Variants in PHF14 observed in about 807,000 individuals in gnomAD.
PHF14 encodes PHD finger protein 14.
A neutral mutation model predicts 117.9 loss-of-function variants in PHF14; 55 were observed. The observed-to-expected ratio is 0.47, with a 90% CI of 0.38 to 0.58. PHF14 has a LOEUF of 0.58. Among genes scored for constraint, PHF14 ranks in the 20% least tolerant of loss-of-function variants. PHF14 has a pLI of 0.00. For missense variants in PHF14, 978 were observed against 1,122.2 expected, an observed-to-expected ratio of 0.87 and a Z score of 1.84; for synonymous variants, 409 against 368.6, an observed-to-expected ratio of 1.11 and a Z score of -1.26.
chr7:11,137,419 A>G (rs985545115), intron 17 of PHF14, among the ~76,000 whole-genome samples: 1 of 152,108 alleles, frequency 6.6e-6, no homozygotes, highest in Non-Finnish European at 1.5e-5. Context: ...TAAAAAGTTA[A>G]AGTTCACCAA....
intron 17 of PHF14, among the ~76,000 whole-genome samples, chr7:11,119,441 TATTA>T (rs1232298483): frequency 5.3e-5 from 8 of 151,836 alleles, no homozygotes; most frequent in South Asian, 2.1e-4. Context: ...GTGTGGAATA[TATTA>T]ATTATGTAAA....
intron 17 of PHF14, among the ~76,000 whole-genome samples, chr7:11,168,058 T>C (rs1185470964): frequency 6.6e-6 from 1 of 152,052 alleles, no homozygotes; most frequent in East Asian, 1.9e-4. Flanking sequence ...TAGGAACTTT[T>C]TTCTAAAAGT....
chr7:11,108,473 A>G (rs893829852), intron 16 of PHF14: 1 of 151,676 alleles, frequency 6.6e-6, no homozygotes, highest in Non-Finnish European at 1.5e-5. Flanking sequence ...GAACTTGCCT[A>G]TCACCCCTAA....
At chr7:11,076,525 A>G (rs1405349463) in intron 16 of PHF14, among the ~76,000 whole-genome samples, 2 of 148,448 alleles carry the variant, frequency 1.3e-5, no homozygotes, top group South Asian at 2.1e-4. Flanking sequence ...TGGGAACTGA[A>G]TCTTCTTTAG....
Position 10,974,196 on chromosome 7 carries a change from C to G in PHF14, c.-128C>G. 1 of 814,536 alleles carries G rather than the reference C, an allele frequency of 1.2e-6. No individual in the cohort carries two copies. Among genetic ancestry groups the G allele is most frequent in the Non-Finnish European group, 2.0e-6 (1 of 492,742 alleles). 50.5% of individuals were successfully genotyped at this position (814,536 alleles called of 1,614,324 possible). On this transcript the variant is annotated 5_prime_UTR_variant, in exon 1 of 18. Transcript: ENST00000634607. ...CTTGGGAGCGCCCCTGTCCGGCTGGCTGCGCGCCGGTTTTAAATAGCATCT... is the reference window on the plus strand; with the variant it reads ...CTTGGGAGCGCCCCTGTCCGGCTGGGTGCGCGCCGGTTTTAAATAGCATCT...
chr7:11,021,702 T>A (rs1034464695), intron 5 of PHF14, among the ~76,000 whole-genome samples: 2 of 152,260 alleles, frequency 1.3e-5, no homozygotes, highest in Admixed American at 6.5e-5. Flanking sequence ...AAGATGTGTA[T>A]CTTTATATTG....
At chr7:11,143,485 C>A (rs1788457011) in intron 17 of PHF14, among the ~76,000 whole-genome samples, 1 of 151,838 alleles carries the variant, frequency 6.6e-6, no homozygotes, top group Non-Finnish European at 1.5e-5. Context: ...CAGATCACTT[C>A]AAGAAATAAT....
intron 16 of PHF14, among the ~76,000 whole-genome samples, chr7:11,069,252 G>A (rs1785527424): frequency 6.6e-6 from 1 of 152,012 alleles, no homozygotes; most frequent in East Asian, 1.9e-4. Flanking sequence ...TGTACTTAGA[G>A]GAGAAATTTA....
intron 4 of PHF14, among the ~76,000 whole-genome samples, chr7:10,995,542 C>T (rs1331017368): frequency 6.6e-6 from 1 of 152,248 alleles, no homozygotes; most frequent in Non-Finnish European, 1.5e-5. Context: ...CAGTCCCATG[C>T]CGTGTGCCCG....
At chr7:11,063,453 A>G in intron 16 of PHF14, 1 of 979,114 alleles carries the variant, frequency 1.0e-6, no homozygotes, top group Non-Finnish European at 1.2e-6. Flanking sequence ...ATAATGAACA[A>G]AAATTTAATT....
intron 17 of PHF14, among the ~76,000 whole-genome samples, chr7:11,128,364 TAAAAA>T (rs978427088): frequency 6.6e-6 from 1 of 151,936 alleles, no homozygotes; most frequent in African/African-American, 2.4e-5. Flanking sequence ...CTCTCAGCCT[TAAAAA>T]AAGTCTTTGT....
At position 10,983,115 on chromosome 7, in the gene PHF14, C is replaced by T. The variant is rs761484075; in HGVS notation, c.856C>T (p.Leu286=). 1.7e-5 allele frequency: 27 copies of T among 1,599,128 alleles called. No homozygotes were observed. The highest frequency in any genetic ancestry group is 2.3e-5 in the Non-Finnish European group (27 of 1,179,498). Residue 286 remains leucine, a synonymous_variant, in exon 3 of 18, where the codon CTG becomes TTG. Transcript: ENST00000634607. ...CAGAAACAGTGCTGATGATGAGGAACTGACCAATGATAGCCTGACCCTATC... is the reference window on the plus strand; with the variant it reads ...CAGAAACAGTGCTGATGATGAGGAATTGACCAATGATAGCCTGACCCTATC... ...LSRNSADDEE[L]TNDSLTLSQS...
At position 11,104,937 on chromosome 7, in the gene PHF14, A is replaced by C. The variant is rs563567189; in HGVS notation, c.2655-6413A>C. 4 of 965,766 alleles carry C rather than the reference A, an allele frequency of 4.1e-6. No individual in the cohort carries two copies. The East Asian group carries it at 4.6e-4, about 111-fold the overall frequency. 59.8% of individuals were successfully genotyped at this position (965,766 alleles called of 1,614,324 possible). A position where few individuals can be genotyped will look rare whatever the true frequency, so the allele number is the denominator to read the frequency against. ...ATTGATAAAGGAATGTGCTTTTAAC[A>C]TCTCCTTAAAAGGTCCCTTAGATTT... On this transcript the variant is annotated intron_variant, in intron 16 of 17. Coordinates refer to ENST00000634607, the MANE Select transcript of PHF14 (RefSeq NM_001007157.2).
At chr7:11,037,464 A>G (rs536505918) in intron 10 of PHF14, among the ~76,000 whole-genome samples, 2 of 152,322 alleles carry the variant, frequency 1.3e-5, no homozygotes, top group East Asian at 3.9e-4. Flanking sequence ...GTGTGAGGCC[A>G]ACTCATGTGA....
In PHF14 at chr7:11,033,719, A is replaced by G. The variant is rs924791618; in HGVS notation, c.1456-1921A>G. 2.6e-5 allele frequency among the ~76,000 whole-genome samples: 4 copies of G among 152,194 alleles called. No individual in the cohort carries two copies. In the East Asian group the frequency reaches 7.7e-4, roughly 29 times the overall value. ...ACTCACCTATGCAAGCATGAATCCT[A>G]TCTCTAATGACTCAATTTCAACCTC... On this transcript the variant is annotated intron_variant, in intron 7 of 17. Coordinates refer to ENST00000634607, the MANE Select transcript of PHF14 (RefSeq NM_001007157.2).
At chr7:11,085,069 A>G (rs777631714) in intron 16 of PHF14, among the ~76,000 whole-genome samples, 3 of 152,048 alleles carry the variant, frequency 2.0e-5, no homozygotes, top group Non-Finnish European at 4.4e-5. Context: ...GTGTTGTGAT[A>G]TTTATGTCTG....
intron 7 of PHF14, 28 bp downstream of exon 7, chr7:11,028,846 G>T (rs754208580): frequency 1.3e-6 from 2 of 1,599,442 alleles, no homozygotes; most frequent in African/African-American, 2.7e-5. Context: ...CATAGTTGGT[G>T]AACATGTTCA....
intron 4 of PHF14, chr7:11,006,493 G>A: frequency 3.6e-6 from 2 of 551,710 alleles, no homozygotes; most frequent in South Asian, 2.8e-5. Context: ...CCGAATTAGG[G>A]TGTTGACACC....
chr7:11,134,358 G>A (rs1203506187), intron 17 of PHF14, among the ~76,000 whole-genome samples: 2 of 151,850 alleles, frequency 1.3e-5, no homozygotes, highest in Non-Finnish European at 1.5e-5. Context: ...CATTTAGAGA[G>A]ATTTGCAAAC....
Sources: allele counts gnomAD v4.1 joint callset (sites outside exome capture counted in the v4.1 genomes callset), GRCh38; gene constraint gnomAD v4.1.1; transcripts MANE v1.5; gene names NCBI Gene and HGNC (gene_info 2026-07-23, HGNC 2026-07-21).